Variants in MAP3K8 observed in about 807,000 individuals in gnomAD.
MAP3K8 encodes Ewing sarcoma transformant.
A neutral mutation model predicts 45.8 loss-of-function variants in MAP3K8; 22 were observed. The observed-to-expected ratio is 0.48, with a 90% CI of 0.34 to 0.69. The LOEUF (loss-of-function observed/expected upper bound fraction) is 0.69. MAP3K8 is among the 30% of genes least tolerant of loss of function. MAP3K8 has a pLI of 0.01. For synonymous variants in MAP3K8, 223 were observed against 214.3 expected (o/e 1.04, Z -0.36); for missense variants, 419 against 585.0 (o/e 0.72, Z 2.93).
Position 30,459,144 on chromosome 10 carries a change from A to T in MAP3K8, c.1027-111A>T, listed in dbSNP as rs187664809. On this transcript the variant is annotated intron_variant, in intron 7 of 8. Transcript: ENST00000263056. Reference sequence around the variant, plus strand: ...TTAAGGGCTGAACTGCATTCGTTGCAGGGCATGTGGTGGAAAACGGATTAC... The same window carrying T: ...TTAAGGGCTGAACTGCATTCGTTGCTGGGCATGTGGTGGAAAACGGATTAC... 1.8e-3 allele frequency: 2,115 copies of T among 1,147,878 alleles called. 3 individuals carry two copies. Among genetic ancestry groups the T allele is most frequent in the Non-Finnish European group, 2.6e-3 (2,014 of 787,404 alleles). 71.1% of individuals were successfully genotyped at this position (1,147,878 alleles called of 1,614,324 possible).
chr10:30,438,748 C>T (rs1302320841), intron 2 of MAP3K8, 168 bp from the exon 3 acceptor site: 2 of 535,032 alleles, frequency 3.7e-6, no homozygotes, highest in East Asian at 6.1e-5. Flanking sequence ...AGGTCCCTTT[C>T]AACTCTGCAC....
chr10:30,434,782 C>G lies in MAP3K8; in HGVS notation c.-255+404C>G, dbSNP rs867089936. On this transcript the variant is annotated intron_variant, in intron 1 of 8. Transcript: ENST00000263056. ...AGCTCGGAGGCTGGAGGACCCGATCCTCCCAAATGCTGGGTGCTTTGATAA... is the reference window on the plus strand; with the variant it reads ...AGCTCGGAGGCTGGAGGACCCGATCGTCCCAAATGCTGGGTGCTTTGATAA... 1.3e-5 allele frequency: 13 copies of G among 985,108 alleles called. No homozygotes were observed. The African/African-American group carries it at 1.9e-4, about 15-fold the overall frequency. 61.0% of individuals were successfully genotyped at this position (985,108 alleles called of 1,614,324 possible).
chr10:30,444,146 G>C (rs1251454033), intron 3 of MAP3K8, among the ~76,000 whole-genome samples: 1 of 151,582 alleles, frequency 6.6e-6, no homozygotes, highest in Non-Finnish European at 1.5e-5. Context: ...GCTGTGATGG[G>C]GCCACTGCAC....
chr10:30,441,488 A>C (rs1311797238), intron 3 of MAP3K8, among the ~76,000 whole-genome samples: 3 of 152,200 alleles, frequency 2.0e-5, no homozygotes, highest in Non-Finnish European at 4.4e-5. Flanking sequence ...CAAATACATA[A>C]GTAAAGGCAG....
chr10:30,436,860 G>A (rs1588761647), intron 1 of MAP3K8, among the ~76,000 whole-genome samples: 1 of 151,208 alleles, frequency 6.6e-6, no homozygotes, highest in Non-Finnish European at 1.5e-5. Context: ...AGGAGACTTG[G>A]ATCCTTTCAA....
At chr10:30,434,423 C>A in intron 1 of MAP3K8, 45 bp downstream of exon 1, 1 of 984,018 alleles carries the variant, frequency 1.0e-6, no homozygotes, top group Non-Finnish European at 1.2e-6. Flanking sequence ...CGGGTCGCGT[C>A]CCGCCTGGGT....
In MAP3K8 at chr10:30,458,214, C is replaced by A; in HGVS notation, c.1004C>A (p.Ala335Asp). The A allele has an allele frequency of 6.5e-7, 1 of 1,537,106 alleles. No homozygotes were observed. The highest frequency in any genetic ancestry group is 8.8e-7 in the Non-Finnish European group (1 of 1,133,730). ...TGGGTGAAGCGCTACCCTCGCTCAG[C>A]CTATCCCTCCTACCTGTACATAGTA... ...PPWVKRYPRS[A>D]YPSYLYIIHK... The change falls in exon 7 of 9, where the codon GCC becomes GAC. Residue 335 changes from alanine (A) to aspartate (D), a missense_variant. This residue lies in a region of MAP3K8 where 209 missense variants were observed against 367.3 expected (regional missense o/e 0.57). Coordinates refer to ENST00000263056, the MANE Select transcript of MAP3K8 (RefSeq NM_005204.4).
At chr10:30,456,259 A>G (rs982272955) in intron 6 of MAP3K8, among the ~76,000 whole-genome samples, 2 of 152,242 alleles carry the variant, frequency 1.3e-5, no homozygotes, top group Admixed American at 6.5e-5. Context: ...TATACAATAC[A>G]CTATTGTTGA....
Position 30,439,283 on chromosome 10 carries a change from C to T in MAP3K8, c.336+9C>T. Reference sequence around the variant, plus strand: ...GAATTTTATTAAACATGGTACGTTTCTTTCCGATCAGTTGGGTGCTATGTG... The same window carrying T: ...GAATTTTATTAAACATGGTACGTTTTTTTCCGATCAGTTGGGTGCTATGTG... On this transcript the variant is annotated intron_variant, in intron 3 of 8. Coordinates refer to ENST00000263056, the MANE Select transcript of MAP3K8 (RefSeq NM_005204.4). The T allele has an allele frequency of 2.5e-6, 4 of 1,614,128 alleles. No homozygotes were observed. Among genetic ancestry groups the T allele is most frequent in the African/African-American group, 1.3e-5 (1 of 75,050 alleles).
intron 6 of MAP3K8, among the ~76,000 whole-genome samples, chr10:30,452,845 T>A (rs1419893278): frequency 6.7e-6 from 1 of 149,294 alleles, no homozygotes; most frequent in Non-Finnish European, 1.5e-5. Flanking sequence ...CCAGCTAATT[T>A]TTTTTTTTTT....
At chr10:30,457,657 GT>G (rs1393938265) in intron 6 of MAP3K8, among the ~76,000 whole-genome samples, 2 of 152,036 alleles carry the variant, frequency 1.3e-5, no homozygotes, top group Admixed American at 1.3e-4. Flanking sequence ...GTTTTGTTTT[GT>G]TTTTTGAGAC....
intron 8 of MAP3K8, 26 bp from the exon 9 acceptor site, chr10:30,460,680 T>C: frequency 6.3e-7 from 1 of 1,586,966 alleles, no homozygotes. Context: ...TTCTTGTTAC[T>C]TACTTTGTAA....
chr10:30,455,259 C>T (rs933556109), intron 6 of MAP3K8, among the ~76,000 whole-genome samples: 4 of 152,152 alleles, frequency 2.6e-5, no homozygotes, highest in Non-Finnish European at 1.5e-5. Flanking sequence ...TGTGAAGTGA[C>T]CAGTGAAACC....
intron 4 of MAP3K8, among the ~76,000 whole-genome samples, chr10:30,448,403 C>T (rs1053989652): frequency 5.0e-4 from 58 of 116,368 alleles, no homozygotes; most frequent in African/African-American, 1.8e-3. Context: ...TTGAAAAGAC[C>T]CTATCCCAAA....
At chr10:30,447,501 G>A (rs566976420) in intron 3 of MAP3K8, among the ~76,000 whole-genome samples, 23 of 152,236 alleles carry the variant, frequency 1.5e-4, no homozygotes, top group African/African-American at 5.1e-4. Context: ...TGCTTTTTTA[G>A]ATAAATAATT....
intron 8 of MAP3K8, 66 bp downstream of exon 8, chr10:30,459,567 G>A: frequency 6.4e-7 from 1 of 1,571,216 alleles, no homozygotes; most frequent in South Asian, 1.1e-5. Context: ...TCAAACCTCT[G>A]ATGTAGTTCA....
rs548193504 is a variant in MAP3K8 at position 30,458,192 on chromosome 10, G to A, written c.982G>A (p.Val328Met). 5 of 1,586,368 alleles carry A rather than the reference G, an allele frequency of 3.2e-6. No homozygotes were observed. Among genetic ancestry groups the A allele is most frequent in the South Asian group, 2.3e-5 (2 of 87,612 alleles). Reference protein sequence around the residue: ...IHMQTGTPPWVKRYPRSAYPS... With the variant: ...IHMQTGTPPWMKRYPRSAYPS... ...CATGCAGACGGGCACCCCACCCTGGGTGAAGCGCTACCCTCGCTCAGCCTA... is the reference window on the plus strand; with the variant it reads ...CATGCAGACGGGCACCCCACCCTGGATGAAGCGCTACCCTCGCTCAGCCTA... Residue 328 changes from valine to methionine, a missense_variant, in exon 7 of 9, where the codon GTG (valine) becomes ATG (methionine). This residue lies in a region of MAP3K8 where 209 missense variants were observed against 367.3 expected (regional missense o/e 0.57). Coordinates refer to ENST00000263056, the MANE Select transcript of MAP3K8 (RefSeq NM_005204.4).
chr10:30,436,769 T>C (rs961618123), intron 1 of MAP3K8, among the ~76,000 whole-genome samples: 8 of 151,760 alleles, frequency 5.3e-5, no homozygotes, highest in Admixed American at 6.6e-5. Flanking sequence ...TGTGGACTTT[T>C]TTCCTCTTTC....
intron 4 of MAP3K8, among the ~76,000 whole-genome samples, chr10:30,449,348 G>A (rs776305436): frequency 6.6e-6 from 1 of 152,092 alleles, no homozygotes; most frequent in African/African-American, 2.4e-5. Context: ...GGGTTCAAGC[G>A]ATTCTTCTGC....
Sources: gnomAD v4.1 joint callset for allele counts (sites outside exome capture counted in the v4.1 genomes callset) on GRCh38, gnomAD v4.1.1 for gene constraint, gnomAD v4.1.1 regional missense constraint, MANE v1.5 for transcripts, NCBI Gene and HGNC (gene_info 2026-07-23, HGNC 2026-07-21) for gene names.